The following PTPRD variants were observed in gnomAD, a reference collection of about 807,000 sequenced individuals.
The protein encoded by PTPRD is protein tyrosine phosphatase receptor type D.
Under a neutral mutation model 214.5 loss-of-function variants are expected in PTPRD, and 34 were observed. The ratio of observed to expected loss-of-function variants is 0.16; its 90% CI spans 0.12 to 0.21. The LOEUF (loss-of-function observed/expected upper bound fraction) is 0.21. Ranked by LOEUF, PTPRD falls within the 10% of genes least tolerant of loss-of-function variation. The pLI is 1.00. For missense variants in PTPRD, 2,545 were observed against 2,398.7 expected (o/e 1.06, Z -1.27); for synonymous variants, 1,128 against 845.7 (o/e 1.33, Z -5.79).
At chr9:10,388,700 T>G (rs1210871218) in intron 2 of PTPRD, among the ~76,000 whole-genome samples, 4 of 152,010 alleles carry the variant, frequency 2.6e-5, no homozygotes, top group South Asian at 4.1e-4. Flanking sequence ...GTTTGAGTCC[T>G]GCCTATTGAT....
intron 3 of PTPRD, among the ~76,000 whole-genome samples, chr9:10,258,882 G>C (rs2093484466): frequency 6.6e-6 from 1 of 152,148 alleles, no homozygotes; most frequent in Non-Finnish European, 1.5e-5. Context: ...ACCATTTACT[G>C]TATGGTGGAG....
intron 7 of PTPRD, among the ~76,000 whole-genome samples, chr9:9,620,366 G>C (rs1440156745): frequency 6.6e-6 from 1 of 152,068 alleles, no homozygotes; most frequent in Non-Finnish European, 1.5e-5. Flanking sequence ...TGCTAGGCCG[G>C]TAAATAAGAT....
chr9:8,786,137 G>A (rs2095951728), intron 11 of PTPRD, among the ~76,000 whole-genome samples: 2 of 152,042 alleles, frequency 1.3e-5, no homozygotes, highest in Admixed American at 1.3e-4. Flanking sequence ...ACAAGGTAGG[G>A]TGGGAGGGAT....
chr9:8,440,546 C>G (rs575855821), intron 34 of PTPRD, among the ~76,000 whole-genome samples: 89 of 152,276 alleles, frequency 5.8e-4, no homozygotes, highest in Non-Finnish European at 1.1e-3. Flanking sequence ...AACTCCTGAC[C>G]TCATGATCCG....
intron 5 of PTPRD, among the ~76,000 whole-genome samples, chr9:9,862,921 T>C (rs1319302316): frequency 6.6e-6 from 1 of 152,062 alleles, no homozygotes; most frequent in African/African-American, 2.4e-5. Context: ...ATTTGGGGCA[T>C]TGAAATTCAC....
At chr9:8,760,314 A>G (rs1220020463) in intron 11 of PTPRD, among the ~76,000 whole-genome samples, 1 of 152,194 alleles carries the variant, frequency 6.6e-6, no homozygotes, top group African/African-American at 2.4e-5. Flanking sequence ...TTATTATAGT[A>G]TCTAAACAGA....
intron 3 of PTPRD, among the ~76,000 whole-genome samples, chr9:10,131,957 AG>A (rs754170362): frequency 6.6e-6 from 1 of 152,248 alleles, no homozygotes; most frequent in East Asian, 1.9e-4. Flanking sequence ...ATGAGGAAAA[AG>A]GTTATGCTGT....
In PTPRD at chr9:10,009,259, A is replaced by T. The variant is rs116743697; in HGVS notation, c.-472+24459T>A. Among the ~76,000 whole-genome samples, 540 of 152,120 alleles carry T rather than the reference A, an allele frequency of 3.5e-3. 2 individuals carry two copies. The highest frequency in any genetic ancestry group is 0.012 in the African/African-American group (506 of 41,554). ...AAAGGTTTATTCTGAGCCAAATCTG[A>T]GTGACCGAGGCTCAAAGTACAGTCT... On this transcript the variant is annotated intron_variant, in intron 4 of 45. Transcript: ENST00000381196.
chr9:9,726,386 G>A (rs990645203), intron 7 of PTPRD, among the ~76,000 whole-genome samples: 3 of 152,156 alleles, frequency 2.0e-5, no homozygotes, highest in Non-Finnish European at 4.4e-5. Context: ...TCAGAGGTAG[G>A]TGGCCATAAG....
intron 5 of PTPRD, among the ~76,000 whole-genome samples, chr9:9,912,997 C>G (rs1227075216): frequency 1.3e-5 from 2 of 152,120 alleles, no homozygotes; most frequent in Middle Eastern, 6.3e-3. Flanking sequence ...AAATAACAAT[C>G]AGATTTTCTG....
chr9:8,484,067 TC>T, intron 30 of PTPRD, 51 bp downstream of exon 30: 1 of 1,565,510 alleles, frequency 6.4e-7, no homozygotes. Context: ...GATATAATGT[TC>T]CTATTTACCT....
intron 2 of PTPRD, among the ~76,000 whole-genome samples, chr9:10,359,168 A>G (rs916731551): frequency 1.2e-4 from 19 of 152,026 alleles, no homozygotes; most frequent in Non-Finnish European, 1.9e-4. Context: ...ACATTATAAT[A>G]TTCATTGTTC....
chr9:9,194,961 T>G (rs2099937431), intron 9 of PTPRD, among the ~76,000 whole-genome samples: 1 of 151,634 alleles, frequency 6.6e-6, no homozygotes, highest in African/African-American at 2.4e-5. Context: ...CAAATAGTAT[T>G]ATCAAGGACC....
chr9:9,621,337 A>C (rs1015155141), intron 7 of PTPRD, among the ~76,000 whole-genome samples: 2 of 152,176 alleles, frequency 1.3e-5, no homozygotes, highest in Non-Finnish European at 2.9e-5. Context: ...GTGCTGCTTG[A>C]ACTGAAACTG....
At chr9:9,149,380 T>C (rs1037888491) in intron 10 of PTPRD, among the ~76,000 whole-genome samples, 3 of 152,202 alleles carry the variant, frequency 2.0e-5, no homozygotes, top group African/African-American at 7.2e-5. Flanking sequence ...AACAAAGATA[T>C]GCAGAGAAAG....
chr9:9,743,970 A>G (rs957856065), intron 6 of PTPRD, among the ~76,000 whole-genome samples: 3 of 151,938 alleles, frequency 2.0e-5, no homozygotes, highest in African/African-American at 7.3e-5. Flanking sequence ...CTATATCCTA[A>G]CTTGTATATG....
In PTPRD at chr9:10,423,555, C is replaced by A. The variant is rs141515319; in HGVS notation, c.-599-82538G>T. Among the ~76,000 whole-genome samples the A allele has an allele frequency of 3.4e-3, 514 of 152,008 alleles. 4 individuals carry two copies. Among genetic ancestry groups the A allele is most frequent in the Non-Finnish European group, 5.8e-3 (394 of 67,934 alleles). On this transcript the variant is annotated intron_variant, in intron 2 of 45. Coordinates refer to ENST00000381196, the MANE Select transcript of PTPRD (RefSeq NM_002839.4). The stretch of plus-strand genomic sequence containing the variant: ...GCTAGTATCATTCCCTCTTTTGTTT[C>A]ATTTTATTAGATTTCTCCGAGACAG...
chr9:10,103,644 T>C (rs996207255), intron 3 of PTPRD, among the ~76,000 whole-genome samples: 3 of 151,304 alleles, frequency 2.0e-5, no homozygotes, highest in African/African-American at 7.3e-5. Context: ...TGAGGGTTCA[T>C]TGTCTCTCCT....
chr9:8,885,675 T>G (rs1338119586), intron 11 of PTPRD, among the ~76,000 whole-genome samples: 1 of 151,818 alleles, frequency 6.6e-6, no homozygotes, highest in Non-Finnish European at 1.5e-5. Flanking sequence ...TTTTGTATTT[T>G]TAGTAGAGAT....
Sources: allele counts gnomAD v4.1 joint callset (sites outside exome capture counted in the v4.1 genomes callset), GRCh38; gene constraint gnomAD v4.1.1; transcripts MANE v1.5; gene names NCBI Gene and HGNC (gene_info 2026-07-23, HGNC 2026-07-21).